Variants in CSMD1 observed in about 807,000 individuals in gnomAD.
The protein encoded by CSMD1 is CUB and Sushi multiple domains 1.
In CSMD1, 213 loss-of-function variants were observed where a neutral mutation model predicts 417.5. The observed-to-expected ratio is 0.51, with a 90% CI of 0.46 to 0.57. CSMD1 has a LOEUF of 0.57. CSMD1 is among the 20% of genes least tolerant of loss of function. The probability of loss-of-function intolerance (pLI) is 0.00; values close to 1 mark genes in which losing one functional copy is unlikely to be tolerated. For missense variants in CSMD1, 6,923 were observed against 4,529.7 expected (o/e 1.53, Z -15.17); for synonymous variants, 2,862 against 1,736.8 (o/e 1.65, Z -16.11).
chr8:3,395,375 C>T (rs1176424335), intron 17 of CSMD1, among the ~76,000 whole-genome samples: 2 of 152,084 alleles, frequency 1.3e-5, no homozygotes, highest in African/African-American at 2.4e-5. Flanking sequence ...ATAACAGCTG[C>T]TTTGCTTTGT....
At chr8:3,182,830 C>G (rs112969719) in intron 36 of CSMD1, among the ~76,000 whole-genome samples, 30 of 31,580 alleles carry the variant, frequency 9.5e-4, no homozygotes, top group African/African-American at 2.6e-3. Flanking sequence ...CTGGCTGTCT[C>G]TTTATAAGAA....
intron 3 of CSMD1, among the ~76,000 whole-genome samples, chr8:4,039,207 T>C (rs1373408392): frequency 4.6e-5 from 7 of 152,078 alleles, no homozygotes; most frequent in Admixed American, 4.6e-4. Context: ...TCCCTTAGGG[T>C]TTCTCTCCAT....
chr8:4,162,853 C>G (rs1480173466), intron 3 of CSMD1, among the ~76,000 whole-genome samples: 2 of 152,154 alleles, frequency 1.3e-5, no homozygotes, highest in African/African-American at 2.4e-5. Context: ...ATTGCAGTAT[C>G]ACACTGAGTA....
intron 1 of CSMD1, among the ~76,000 whole-genome samples, chr8:4,654,290 T>C (rs545863017): frequency 2.0e-5 from 3 of 152,246 alleles, no homozygotes; most frequent in South Asian, 2.1e-4. Flanking sequence ...TATAGACTTA[T>C]ATGGAAAGGA....
chr8:4,806,142 T>C (rs545418214), intron 1 of CSMD1, among the ~76,000 whole-genome samples: 5 of 152,248 alleles, frequency 3.3e-5, no homozygotes, highest in Admixed American at 3.3e-4. Flanking sequence ...TTCAAAAGTC[T>C]CTAGGAAGTG....
chr8:3,555,366 A>C (rs562955101), intron 10 of CSMD1, among the ~76,000 whole-genome samples: 30 of 152,194 alleles, frequency 2.0e-4, no homozygotes, highest in African/African-American at 6.7e-4. Flanking sequence ...GTGGTCATTG[A>C]TGATGACAGT....
At chr8:4,268,554 G>A (rs1339029711) in intron 3 of CSMD1, among the ~76,000 whole-genome samples, 1 of 152,092 alleles carries the variant, frequency 6.6e-6, no homozygotes, top group East Asian at 1.9e-4. Context: ...TCACTTACTT[G>A]AAAGATTAGA....
intron 7 of CSMD1, among the ~76,000 whole-genome samples, chr8:3,692,468 G>C (rs1044567619): frequency 2.7e-5 from 4 of 150,318 alleles, no homozygotes; most frequent in Admixed American, 2.6e-4. Flanking sequence ...TTGAGACGGA[G>C]TCTCCCTCTG....
chr8:4,816,398 T>C (rs576181643), intron 1 of CSMD1, among the ~76,000 whole-genome samples: 8 of 151,916 alleles, frequency 5.3e-5, no homozygotes, highest in African/African-American at 1.7e-4. Context: ...CTGGGGGCAC[T>C]GTGGGGTGGT....
intron 5 of CSMD1, among the ~76,000 whole-genome samples, chr8:3,950,167 G>A (rs1291265218): frequency 6.6e-6 from 1 of 152,096 alleles, no homozygotes; most frequent in Non-Finnish European, 1.5e-5. Context: ...CAGAAGAAAG[G>A]TAAACCACAA....
intron 3 of CSMD1, among the ~76,000 whole-genome samples, chr8:4,298,235 TC>T (rs1159640479): frequency 8.5e-5 from 13 of 152,222 alleles, no homozygotes; most frequent in Non-Finnish European, 1.2e-4. Context: ...GCTTCCTGTT[TC>T]TGCAATTAAA....
chr8:3,741,706 C>G (rs1796812175), intron 6 of CSMD1, among the ~76,000 whole-genome samples: 1 of 152,178 alleles, frequency 6.6e-6, no homozygotes, highest in Admixed American at 6.5e-5. Flanking sequence ...AAAATTTCTC[C>G]TCTCTGAGTG....
At chr8:3,886,111 T>A (rs1231362471) in intron 5 of CSMD1, among the ~76,000 whole-genome samples, 1 of 152,054 alleles carries the variant, frequency 6.6e-6, no homozygotes, top group Admixed American at 6.6e-5. Flanking sequence ...AGCACAGTGC[T>A]GCGATCTCAG....
intron 6 of CSMD1, among the ~76,000 whole-genome samples, chr8:3,739,147 A>C (rs1038022577): frequency 6.6e-6 from 1 of 152,180 alleles, no homozygotes; most frequent in African/African-American, 2.4e-5. Context: ...TGTAAGTTTA[A>C]ACAATGTTTG....
chr8:4,321,647 TA>T (rs1446900399), intron 3 of CSMD1, among the ~76,000 whole-genome samples: 6 of 152,190 alleles, frequency 3.9e-5, no homozygotes, highest in Non-Finnish European at 4.4e-5. Flanking sequence ...CAAAGTTTAA[TA>T]GTGGTAAAGA....
chr8:4,801,944 T>G (rs562352896), intron 1 of CSMD1, among the ~76,000 whole-genome samples: 1 of 152,326 alleles, frequency 6.6e-6, no homozygotes, highest in Admixed American at 6.5e-5. Flanking sequence ...ACTGGTACAT[T>G]TTGATCATCT....
chr8:3,481,532 C>T, intron 11 of CSMD1, among the ~76,000 whole-genome samples: 1 of 152,180 alleles, frequency 6.6e-6, no homozygotes, highest in East Asian at 1.9e-4. Context: ...CCTGCTCTCA[C>T]TCTAATCCCT....
intron 1 of CSMD1, among the ~76,000 whole-genome samples, chr8:4,711,488 A>G (rs1808292877): frequency 6.6e-6 from 1 of 152,200 alleles, no homozygotes; most frequent in South Asian, 2.1e-4. Flanking sequence ...AGCAAAATTT[A>G]TTTTCAGAGA....
intron 3 of CSMD1, among the ~76,000 whole-genome samples, chr8:4,302,430 G>C (rs1432946339): frequency 3.3e-5 from 5 of 152,136 alleles, no homozygotes; most frequent in Non-Finnish European, 7.4e-5. Flanking sequence ...TCATCCCATA[G>C]TGAAGGTGGT....
Sources: gnomAD v4.1 joint callset for allele counts (sites outside exome capture counted in the v4.1 genomes callset) on GRCh38, gnomAD v4.1.1 for gene constraint, MANE v1.5 for transcripts, NCBI Gene and HGNC (gene_info 2026-07-23, HGNC 2026-07-21) for gene names.